Variants in ITGBL1 observed in about 807,000 individuals in gnomAD.
ITGBL1 encodes the protein integrin subunit beta like 1.
Under a neutral mutation model 68.5 loss-of-function variants are expected in ITGBL1, and 51 were observed. That is an observed-to-expected ratio of 0.74 (90% CI 0.59 to 0.94). The LOEUF (loss-of-function observed/expected upper bound fraction) is 0.94, where lower values mean the gene tolerates loss of function less well. ITGBL1 is among the 40% of genes least tolerant of loss of function. The pLI, the probability that ITGBL1 is intolerant of heterozygous loss-of-function variation, is 0.00. For synonymous variants in ITGBL1, 209 were observed against 227.3 expected (o/e 0.92, Z 0.72); for missense variants, 649 against 647.4 (o/e 1.00, Z -0.03).
chr13:101,588,683 A>T (rs2050599909), intron 6 of ITGBL1, among the ~76,000 whole-genome samples: 1 of 97,732 alleles, frequency 1.0e-5, no homozygotes, highest in South Asian at 4.6e-4. Context: ...CCTTTTCACT[A>T]TTTGTCTATT....
intron 6 of ITGBL1, among the ~76,000 whole-genome samples, chr13:101,595,188 A>T (rs1336819020): frequency 2.0e-5 from 3 of 152,204 alleles, no homozygotes; most frequent in African/African-American, 7.2e-5. Flanking sequence ...GTGAGGTCTC[A>T]GGAAGCTTCT....
intron 2 of ITGBL1, chr13:101,490,137 G>T: frequency 1.6e-6 from 1 of 612,902 alleles, no homozygotes; most frequent in South Asian, 2.0e-5. Flanking sequence ...AGATAATTAG[G>T]TTTAGTTGAG....
intron 7 of ITGBL1, among the ~76,000 whole-genome samples, chr13:101,614,349 A>G (rs534763483): frequency 2.0e-4 from 31 of 152,206 alleles, no homozygotes; most frequent in African/African-American, 6.3e-4. Flanking sequence ...TAATAATAAA[A>G]TATTATTTAG....
At chr13:101,570,963 A>AC (rs1162125094) in intron 3 of ITGBL1, among the ~76,000 whole-genome samples, 2 of 152,180 alleles carry the variant, frequency 1.3e-5, no homozygotes, top group Non-Finnish European at 2.9e-5. Flanking sequence ...TTATCTTGAC[A>AC]CTAGTAAATA....
Position 101,715,855 on chromosome 13 carries a change from A to T in ITGBL1, c.*201A>T. 1 of 468,330 alleles carries T rather than the reference A, an allele frequency of 2.1e-6. No homozygotes were observed. Among genetic ancestry groups the T allele is most frequent in the East Asian group, 3.4e-5 (1 of 29,190 alleles). 29.0% of individuals were successfully genotyped at this position (468,330 alleles called of 1,614,324 possible). Reference sequence around the variant, plus strand: ...TAGATGCAAATAACATTAGAAAAAAAAGATTCTTCCATAATTAACATAAGT... The same window carrying T: ...TAGATGCAAATAACATTAGAAAAAATAGATTCTTCCATAATTAACATAAGT... On this transcript the variant is annotated 3_prime_UTR_variant, in exon 11 of 11. Transcript: ENST00000376180.
At chr13:101,695,811 T>C (rs957991150) in intron 8 of ITGBL1, among the ~76,000 whole-genome samples, 1 of 152,220 alleles carries the variant, frequency 6.6e-6, no homozygotes, top group African/African-American at 2.4e-5. Flanking sequence ...CATTGCAGTG[T>C]TAACAAGCAA....
Position 101,543,541 on chromosome 13 carries a change from G to T in ITGBL1, c.317-24158G>T, listed in dbSNP as rs1428686080. Reference sequence around the variant, plus strand: ...GAATCTGACAATTATGTGTCTTGGGGTTGCTCTTCTTGAGGAGTATCTTTG... The same window carrying T: ...GAATCTGACAATTATGTGTCTTGGGTTTGCTCTTCTTGAGGAGTATCTTTG... On this transcript the variant is annotated intron_variant, in intron 2 of 10. Transcript: ENST00000376180. Among the ~76,000 whole-genome samples the T allele has an allele frequency of 2.0e-5, 3 of 152,146 alleles. No homozygotes were observed. In the East Asian group the frequency reaches 5.8e-4, roughly 29 times the overall value.
At chr13:101,493,532 T>C (rs2048811164) in intron 2 of ITGBL1, among the ~76,000 whole-genome samples, 1 of 152,072 alleles carries the variant, frequency 6.6e-6, no homozygotes, top group Non-Finnish European at 1.5e-5. Flanking sequence ...AGCATCAAGA[T>C]TTTCTTTGTC....
chr13:101,565,164 CAAAT>C (rs2050164168), intron 2 of ITGBL1, among the ~76,000 whole-genome samples: 2 of 151,970 alleles, frequency 1.3e-5, no homozygotes, highest in Admixed American at 6.6e-5. Flanking sequence ...TAACACATAA[CAAAT>C]AAATTATTTT....
At chr13:101,697,381 A>G (rs1328297683) in intron 8 of ITGBL1, among the ~76,000 whole-genome samples, 1 of 152,210 alleles carries the variant, frequency 6.6e-6, no homozygotes. Flanking sequence ...ATATAAATTC[A>G]TAAATCTTCT....
At chr13:101,516,387 T>G (rs1409059384) in intron 2 of ITGBL1, among the ~76,000 whole-genome samples, 1 of 152,174 alleles carries the variant, frequency 6.6e-6, no homozygotes. Context: ...TTTTGGAAAT[T>G]TGAATAGTTT....
chr13:101,706,994 T>A, intron 9 of ITGBL1, 92 bp downstream of exon 9: 1 of 1,384,494 alleles, frequency 7.2e-7, no homozygotes, highest in East Asian at 2.3e-5. Context: ...CAGACTGAAC[T>A]TTGCATGAAA....
At chr13:101,585,477 C>A (rs763917253) in intron 6 of ITGBL1, among the ~76,000 whole-genome samples, 5 of 152,164 alleles carry the variant, frequency 3.3e-5, no homozygotes, top group African/African-American at 4.8e-5. Flanking sequence ...GTTGCCCAGG[C>A]TGGAGTGCAG....
intron 2 of ITGBL1, among the ~76,000 whole-genome samples, chr13:101,540,770 A>G (rs974273987): frequency 8.6e-5 from 13 of 151,782 alleles, no homozygotes; most frequent in African/African-American, 2.9e-4. Context: ...GGTCCTTCAC[A>G]TCCCTTGTAA....
intron 2 of ITGBL1, among the ~76,000 whole-genome samples, chr13:101,524,376 A>G (rs143323464): frequency 3.7e-3 from 391 of 105,608 alleles, no homozygotes; most frequent in Non-Finnish European, 5.8e-3. Flanking sequence ...GTAAAACTCA[A>G]TGTATTCTTA....
At chr13:101,546,929 C>G (rs1400975296) in intron 2 of ITGBL1, among the ~76,000 whole-genome samples, 1 of 151,830 alleles carries the variant, frequency 6.6e-6, no homozygotes, top group East Asian at 1.9e-4. Context: ...AAAAACAATT[C>G]TCAAATATTT....
At chr13:101,650,635 T>C (rs937794585) in intron 7 of ITGBL1, among the ~76,000 whole-genome samples, 2 of 148,722 alleles carry the variant, frequency 1.3e-5, no homozygotes, top group African/African-American at 2.4e-5. Flanking sequence ...TTTTTTTTTT[T>C]AGTCAACTTT....
At chr13:101,659,437 G>C (rs559281116) in intron 7 of ITGBL1, among the ~76,000 whole-genome samples, 6 of 152,050 alleles carry the variant, frequency 3.9e-5, no homozygotes, top group South Asian at 2.1e-4. Context: ...CTTAAATTGT[G>C]GTTGAACTTC....
chr13:101,550,769 A>T (rs1455447540), intron 2 of ITGBL1, among the ~76,000 whole-genome samples: 1 of 152,168 alleles, frequency 6.6e-6, no homozygotes, highest in Non-Finnish European at 1.5e-5. Flanking sequence ...CACATTCTTT[A>T]TCTTGAATGT....
Sources: allele counts gnomAD v4.1 joint callset (sites outside exome capture counted in the v4.1 genomes callset), GRCh38; gene constraint gnomAD v4.1.1; transcripts MANE v1.5; gene names NCBI Gene and HGNC (gene_info 2026-07-23, HGNC 2026-07-21).